The following KMT2D variants were observed in gnomAD, a reference collection of about 807,000 sequenced individuals.
The protein encoded by KMT2D is histone-lysine N-methyltransferase 2D.
In KMT2D, 55 loss-of-function variants were observed where a neutral mutation model predicts 512.7. That is an observed-to-expected ratio of 0.11 (90% CI 0.09 to 0.13). The LOEUF is 0.13. KMT2D is among the 10% of genes least tolerant of loss of function. The pLI is 1.00. For synonymous variants in KMT2D, 2,995 were observed against 2,904.0 expected, an observed-to-expected ratio of 1.03 and a Z score of -1.01; for missense variants, 6,061 against 7,127.9, an observed-to-expected ratio of 0.85 and a Z score of 5.39.
chr12:49,053,202 C>T lies in KMT2D; in HGVS notation c.954+5G>A. The T allele has an allele frequency of 6.2e-7, 1 of 1,612,792 alleles. No individual in the cohort carries two copies. The highest frequency in any genetic ancestry group is 1.1e-5 in the South Asian group (1 of 91,064). ...GACAATAGGGCAGAATCAGGGTACA[C>T]TCACCTTGCACTTCCAAGAGTGAGC... On this transcript the variant is annotated splice_donor_5th_base_variant and intron_variant, in intron 8 of 54. Transcript: ENST00000301067.
chr12:49,030,433 G>T lies in KMT2D; in HGVS notation c.13846C>A (p.Leu4616Met), dbSNP rs1372295186. Residue 4616 changes from leucine (L) to methionine (M), a missense_variant, in exon 43 of 55, where the codon CTG (leucine) becomes ATG (methionine). Coordinates refer to ENST00000301067, the MANE Select transcript of KMT2D (RefSeq NM_003482.4). Reference sequence around the variant, plus strand: ...GAGGGTGGTGTCGGCGGGTTACTCAGGTTATTCTGAGGGGTGGGGGGTGGG... The same window carrying T: ...GAGGGTGGTGTCGGCGGGTTACTCATGTTATTCTGAGGGGTGGGGGGTGGG... ...YYSQLLTKNN[L>M]SNPPTPPSSL... 2 of 1,059,822 alleles carry T rather than the reference G, an allele frequency of 1.9e-6. No homozygotes were observed. Among genetic ancestry groups the T allele is most frequent in the South Asian group, 2.7e-5 (2 of 74,286 alleles). The allele number at this position is 1,059,822 out of a possible 1,614,324, so 65.7% of individuals were successfully genotyped here. A position where few individuals can be genotyped will look rare whatever the true frequency, so the allele number is the denominator to read the frequency against.
rs2120419020 is a variant in KMT2D at position 49,031,351 on chromosome 12, C to A, written c.13354G>T (p.Ala4452Ser). 1 of 1,613,542 alleles carries A rather than the reference C, an allele frequency of 6.2e-7. No individual in the cohort carries two copies. The highest frequency in any genetic ancestry group is 8.5e-7 in the Non-Finnish European group (1 of 1,179,884). Residue 4452 changes from alanine to serine, a missense_variant, in exon 40 of 55, where the codon GCA becomes TCA. Transcript: ENST00000301067. ...TGCCCAGCTTCTGAGCGAGGGCCTG[C>A]CAGCAGGAGGTGGTTGCTGGTTCCT... ...APGTSNHLLL[A>S]GPRSEAGHLL...
At position 49,029,127 on chromosome 12, in the gene KMT2D, G is replaced by T. The variant is rs398123719; in HGVS notation, c.14185C>A (p.Arg4729=). The stretch of plus-strand genomic sequence containing the variant: ...AGGGCCCGGTCCTCTTGCTCCCACC[G>T]GCCTGAGCCCAGATGAGGGAAACGA... ...APRFPHLGSG[R]WEQEDRALSP... is the part of the protein sequence containing the mutation. The change falls in exon 45 of 55, where the codon CGG becomes AGG. Residue 4729 remains arginine, a synonymous_variant. Transcript: ENST00000301067. 1.2e-6 allele frequency: 2 copies of T among 1,613,460 alleles called. No homozygotes were observed. Among genetic ancestry groups the T allele is most frequent in the Non-Finnish European group, 8.5e-7 (1 of 1,179,494 alleles).
intron 9 of KMT2D, 25 bp downstream of exon 9, chr12:49,052,890 A>G: frequency 6.2e-7 from 1 of 1,612,220 alleles, no homozygotes. Flanking sequence ...TGCCAGCCCA[A>G]TCTCAGTCAG....
In KMT2D at chr12:49,041,683, G is replaced by C; in HGVS notation, c.6206C>G (p.Ala2069Gly). ...PYLQKAKDNR[A>G]AHRINKVQKQ... Reference sequence around the variant, plus strand: ...CTGCACCTTGTTGATGCGGTGAGCTGCCCGGTTATCTTTGGCCTTTTGCTG... The same window carrying C: ...CTGCACCTTGTTGATGCGGTGAGCTCCCCGGTTATCTTTGGCCTTTTGCTG... The change falls in exon 31 of 55, where the codon GCA (alanine) becomes GGA (glycine). Residue 2069 changes from alanine to glycine, a missense_variant. Transcript: ENST00000301067. The surrounding 1 kb of genome is among the most constrained non-coding windows in gnomAD (Gnocchi z 5.4). 6.2e-7 allele frequency: 1 copy of C among 1,612,506 alleles called. No homozygotes were observed. Among genetic ancestry groups the C allele is most frequent in the Non-Finnish European group, 8.5e-7 (1 of 1,179,166 alleles).
rs751068103 is a variant in KMT2D, at chr12:49,048,740, C to T, written c.4050G>A (p.Lys1350=). The T allele has an allele frequency of 6.2e-6, 10 of 1,611,628 alleles. No individual in the cohort carries two copies. Among genetic ancestry groups the T allele is most frequent in the Non-Finnish European group, 8.5e-6 (10 of 1,178,384 alleles). The part of the protein sequence containing the change: ...VVADIDSSPS[K]EEEEEDDDTM... ...TGTCATCATCTTCTTCCTCCTCCTC[C>T]TTACTGGGAGAGCTATCAATGTCAG... The change falls in exon 14 of 55, where the codon AAG becomes AAA. Residue 1350 remains lysine (K), a synonymous_variant. Transcript: ENST00000301067.
In KMT2D at chr12:49,038,029, G is replaced by A. The variant is rs2120489405; in HGVS notation, c.9327C>T (p.Pro3109=). Reference sequence around the variant, plus strand: ...CCTCAGGGAGCACAGATGCCAGGCGGGGTTCAGAGGCATCAGCAGCAGGGG... The same window carrying A: ...CCTCAGGGAGCACAGATGCCAGGCGAGGTTCAGAGGCATCAGCAGCAGGGG... ...RPPPAADASE[P]RLASVLPEVK... is the part of the protein sequence containing the mutation. Residue 3109 remains proline (P), a synonymous_variant, in exon 35 of 55, where the codon CCC becomes CCT. Coordinates refer to ENST00000301067, the MANE Select transcript of KMT2D (RefSeq NM_003482.4). This position sits in a 1 kb window ranked among gnomAD's most constrained non-coding sequence, Gnocchi z 5.7. The A allele has an allele frequency of 6.2e-7, 1 of 1,610,014 alleles. No individual in the cohort carries two copies. Among genetic ancestry groups the A allele is most frequent in the African/African-American group, 1.3e-5 (1 of 74,994 alleles).
rs2120709733 is a variant in KMT2D, at chr12:49,054,466, G to A, written c.401-50C>T. The stretch of plus-strand genomic sequence containing the variant: ...AGAAAGGAAAGAATTAACAAAAAGA[G>A]GATTGCTGGCTCAGGACTACCCAGC... On this transcript the variant is annotated intron_variant, in intron 4 of 54. Coordinates refer to ENST00000301067, the MANE Select transcript of KMT2D (RefSeq NM_003482.4). The surrounding 1 kb of genome is among the most constrained non-coding windows in gnomAD (Gnocchi z 6.4). 1 of 1,570,102 alleles carries A rather than the reference G, an allele frequency of 6.4e-7. No homozygotes were observed. Among genetic ancestry groups the A allele is most frequent in the South Asian group, 1.2e-5 (1 of 86,204 alleles).
In KMT2D at chr12:49,040,108, A is replaced by G. The variant is rs2120522301; in HGVS notation, c.7662T>C (p.Pro2554=). ...EPSLKPPVPQ[P]GLPPPHGINS... ...TGATCCCATGGGGTGGCGGGAGACC[A>G]GGCTGAGGGACAGGGGGCTTTAGGG... The change falls in exon 32 of 55, where the codon CCT becomes CCC. Residue 2554 remains proline (P), a synonymous_variant. Transcript: ENST00000301067. The G allele has an allele frequency of 6.2e-7, 1 of 1,613,914 alleles. No individual in the cohort carries two copies.
chr12:49,020,042 C>G lies in KMT2D; in HGVS notation c.*1738G>C, dbSNP rs1942231400. On this transcript the variant is annotated 3_prime_UTR_variant, in exon 55 of 55. Transcript: ENST00000301067. ...AAGCTTCATCTTCATCCCCACGGTT[C>G]CCTACCAGAGAGGGGTTTGGGGCCT... The G allele has an allele frequency of 4.9e-6, 1 of 203,132 alleles. No homozygotes were observed. The highest frequency in any genetic ancestry group is 1.0e-5 in the Non-Finnish European group (1 of 98,504). 12.6% of individuals were successfully genotyped at this position (203,132 alleles called of 1,614,324 possible).
In KMT2D at chr12:49,048,742, T is replaced by C. The variant is rs2120626015; in HGVS notation, c.4048A>G (p.Lys1350Glu). ...TCATCATCTTCTTCCTCCTCCTCCT[T>C]ACTGGGAGAGCTATCAATGTCAGCA... Reference protein sequence around the residue: ...VVADIDSSPSKEEEEEDDDTM... With the variant: ...VVADIDSSPSEEEEEEDDDTM... The change falls in exon 14 of 55, where the codon AAG (lysine) becomes GAG (glutamate). Residue 1350 changes from lysine to glutamate, a missense_variant. Physicochemically the swap from Lys to Glu is moderately conservative, Grantham distance 56 (BLOSUM62 1). This residue lies in a region of KMT2D where 447 missense variants were observed against 500.1 expected (regional missense o/e 0.89). Transcript: ENST00000301067. 6.2e-7 allele frequency: 1 copy of C among 1,610,714 alleles called. No individual in the cohort carries two copies. Among genetic ancestry groups the C allele is most frequent in the Non-Finnish European group, 8.5e-7 (1 of 1,177,700 alleles).
chr12:49,056,210 G>C (rs1439710430), intron 1 of KMT2D, among the ~76,000 whole-genome samples: 1 of 152,218 alleles, frequency 6.6e-6, no homozygotes, highest in Non-Finnish European at 1.5e-5. Flanking sequence ...GAGCCACTCA[G>C]AGGAGTTCTA....
rs377248367 is a variant in KMT2D at position 49,022,803 on chromosome 12, G to C, written c.16125C>G (p.Pro5375=). 3.7e-6 allele frequency: 6 copies of C among 1,613,916 alleles called. No homozygotes were observed. The highest frequency in any genetic ancestry group is 5.1e-6 in the Non-Finnish European group (6 of 1,179,844). The change falls in exon 52 of 55, where the codon CCC becomes CCG. Residue 5375 remains proline, a synonymous_variant. Coordinates refer to ENST00000301067, the MANE Select transcript of KMT2D (RefSeq NM_003482.4). The surrounding 1 kb of genome is among the most constrained non-coding windows in gnomAD (Gnocchi z 8.6). ...TGGAGTGCACAAACTGCTTGCTGTA[G>C]GGGGTGTTGGTCTCGCCTGTGAAGG... The part of the protein sequence containing the change: ...QSTFTGETNT[P]YSKQFVHSKS...
rs1486850045 is a variant in KMT2D at position 49,053,336 on chromosome 12, G to C, written c.840-15C>G. 5.0e-6 allele frequency: 8 copies of C among 1,608,906 alleles called. No individual in the cohort carries two copies. The highest frequency in any genetic ancestry group is 6.8e-6 in the Non-Finnish European group (8 of 1,175,576). On this transcript the variant is annotated splice_polypyrimidine_tract_variant and intron_variant, in intron 7 of 54. Coordinates refer to ENST00000301067, the MANE Select transcript of KMT2D (RefSeq NM_003482.4). ...TCCCAGGTTTCCTGCAGGTGCACATGGAACATTACAGTGTCCTCTCTGCCC... is the reference window on the plus strand; with the variant it reads ...TCCCAGGTTTCCTGCAGGTGCACATCGAACATTACAGTGTCCTCTCTGCCC...
chr12:49,029,486 G>C lies in KMT2D; in HGVS notation c.14000-10C>G. 6.4e-7 allele frequency: 1 copy of C among 1,551,624 alleles called. No individual in the cohort carries two copies. The highest frequency in any genetic ancestry group is 8.7e-7 in the Non-Finnish European group (1 of 1,146,470). On this transcript the variant is annotated splice_polypyrimidine_tract_variant and intron_variant, in intron 43 of 54. Transcript: ENST00000301067. ...TTCACCTCTGAAGTATCTGAGGGGTGGGTAGGGAGAAGAAAAGTCAGGTGA... is the reference window on the plus strand; with the variant it reads ...TTCACCTCTGAAGTATCTGAGGGGTCGGTAGGGAGAAGAAAAGTCAGGTGA...
rs761803881 is a variant in KMT2D at position 49,032,272 on chromosome 12, G to C, written c.12433C>G (p.Pro4145Ala). The change falls in exon 40 of 55, where the codon CCT becomes GCT. Residue 4145 changes from proline (P) to alanine (A), a missense_variant. Physicochemically the swap from Pro to Ala is conservative, Grantham distance 27. Transcript: ENST00000301067. ...AGAAGGTTCTGGGTCATGGACCCAGGCTGATCCCCTAAGGAAACAGAGGGC... is the reference window on the plus strand; with the variant it reads ...AGAAGGTTCTGGGTCATGGACCCAGCCTGATCCCCTAAGGAAACAGAGGGC... ...AQPSVSLGDQPGSMTQNLLGP... is the reference protein window; with the variant it reads ...AQPSVSLGDQAGSMTQNLLGP... 1 of 1,613,936 alleles carries C rather than the reference G, an allele frequency of 6.2e-7. No homozygotes were observed. Among genetic ancestry groups the C allele is most frequent in the Non-Finnish European group, 8.5e-7 (1 of 1,179,862 alleles).
At position 49,051,474 on chromosome 12, in the gene KMT2D, G is replaced by C. The variant is rs539274614; in HGVS notation, c.2209C>G (p.Arg737Gly). The C allele has an allele frequency of 6.2e-7, 1 of 1,613,526 alleles. No individual in the cohort carries two copies. Among genetic ancestry groups the C allele is most frequent in the Admixed American group, 1.7e-5 (1 of 59,992 alleles). Residue 737 changes from arginine to glycine, a missense_variant, in exon 11 of 55, where the codon CGG becomes GGG. Physicochemically the swap from Arg to Gly is moderately radical, Grantham distance 125. Coordinates refer to ENST00000301067, the MANE Select transcript of KMT2D (RefSeq NM_003482.4). Reference protein sequence around the residue: ...PLPEEPQLCPRSEGPHLSPRP... With the variant: ...PLPEEPQLCPGSEGPHLSPRP... ...GGTGACAGGTGCGGCCCCTCGGACCGGGGGCAGAGTTGCGGCTCCTCAGGT... is the reference window on the plus strand; with the variant it reads ...GGTGACAGGTGCGGCCCCTCGGACCCGGGGCAGAGTTGCGGCTCCTCAGGT...
rs745688226 is a variant in KMT2D, at chr12:49,037,211, A to G, written c.10145T>C (p.Met3382Thr). Residue 3382 changes from methionine to threonine, a missense_variant, in exon 35 of 55, where the codon ATG (methionine) becomes ACG (threonine). Coordinates refer to ENST00000301067, the MANE Select transcript of KMT2D (RefSeq NM_003482.4). Reference protein sequence around the residue: ...SSQPVLSQKPMGTMPPSMCMK... With the variant: ...SSQPVLSQKPTGTMPPSMCMK... ...GCACATGGAAGGTGGCATGGTGCCC[A>G]TGGGCTTCTGTGATAGCACTGGCTG... is the stretch of plus-strand genomic sequence containing the variant. The G allele has an allele frequency of 2.5e-6, 4 of 1,612,138 alleles. No homozygotes were observed. The East Asian group carries it at 8.9e-5, about 36-fold the overall frequency.
chr12:49,055,663 T>C (rs1417293557), intron 1 of KMT2D, among the ~76,000 whole-genome samples: 1 of 152,186 alleles, frequency 6.6e-6, no homozygotes, highest in African/African-American at 2.4e-5. Flanking sequence ...GCATATCCAT[T>C]TGTATCTAAT....
Sources: gnomAD v4.1 joint callset for allele counts (sites outside exome capture counted in the v4.1 genomes callset) on GRCh38, gnomAD v4.1.1 for gene constraint, gnomAD v4.1.1 regional missense constraint, Gnocchi (gnomAD v3.1) non-coding constraint, MANE v1.5 for transcripts, NCBI Gene and HGNC (gene_info 2026-07-23, HGNC 2026-07-21) for gene names.